The following ADAMTSL1 variants were observed in gnomAD, a reference collection of about 807,000 sequenced individuals.
ADAMTSL1 encodes ADAMTS like 1.
In ADAMTSL1, 126 loss-of-function variants were observed where a neutral mutation model predicts 201.8. That is an observed-to-expected ratio of 0.62 (90% confidence interval 0.54 to 0.72). The LOEUF (loss-of-function observed/expected upper bound fraction) is 0.72, where lower values mean the gene tolerates loss of function less well. ADAMTSL1 is among the 30% of genes least tolerant of loss of function. The probability of loss-of-function intolerance (pLI) is 0.00; values close to 1 mark genes in which losing one functional copy is unlikely to be tolerated. For synonymous variants in ADAMTSL1, 1,121 were observed against 903.4 expected (o/e 1.24, Z -4.32); for missense variants, 2,679 against 2,277.8 (o/e 1.18, Z -3.59).
chr9:18,697,664 A>T (rs896854471), intron 13 of ADAMTSL1, among the ~76,000 whole-genome samples: 1 of 152,232 alleles, frequency 6.6e-6, no homozygotes, highest in East Asian at 1.9e-4. Context: ...AAATGAGTTT[A>T]TATATATTTT....
intron 2 of ADAMTSL1, among the ~76,000 whole-genome samples, chr9:18,382,523 G>C (rs1371349460): frequency 6.6e-6 from 1 of 152,050 alleles, no homozygotes; most frequent in African/African-American, 2.4e-5. Flanking sequence ...GGTGGGAAGA[G>C]TGTGAGGAAT....
At chr9:18,126,078 G>C (rs1416589404) in intron 1 of ADAMTSL1, among the ~76,000 whole-genome samples, 1 of 152,160 alleles carries the variant, frequency 6.6e-6, no homozygotes, top group Non-Finnish European at 1.5e-5. Flanking sequence ...CTCACATTCA[G>C]AATGAGTCTA....
At chr9:18,574,595 T>TTG (rs10650608) in intron 4 of ADAMTSL1, 97,803 of 338,296 alleles carry the variant, frequency 0.29, 10,000 homozygotes, top group African/African-American at 0.41. Flanking sequence ...GTGTTTGTGT[T>TTG]TGTGTGTGTG....
chr9:17,941,368 T>G (rs1294217506), intron 1 of ADAMTSL1, among the ~76,000 whole-genome samples: 3 of 152,158 alleles, frequency 2.0e-5, no homozygotes, highest in Non-Finnish European at 4.4e-5. Flanking sequence ...AGTGATGTAG[T>G]TAGCCAGTGT....
At chr9:18,394,490 A>AAGAG (rs139675029) in intron 2 of ADAMTSL1, among the ~76,000 whole-genome samples, 2 of 152,130 alleles carry the variant, frequency 1.3e-5, no homozygotes, top group Non-Finnish European at 2.9e-5. Context: ...CCCATTCTGC[A>AAGAG]AGAGAGAGAG....
chr9:17,938,101 A>G (rs1367252417), intron 1 of ADAMTSL1, among the ~76,000 whole-genome samples: 5 of 152,176 alleles, frequency 3.3e-5, no homozygotes, highest in Admixed American at 6.6e-5. Context: ...GTTCTTTGTT[A>G]AAGTCCAAAT....
In ADAMTSL1 at chr9:18,899,201, C is replaced by T. The variant is rs144307077; in HGVS notation, c.4852-6581C>T. On this transcript the variant is annotated intron_variant, in intron 26 of 28. Transcript: ENST00000380548. The stretch of plus-strand genomic sequence containing the variant: ...ATGAATGAACTCCCATTCACAATTG[C>T]TACAAAAAGAATAAAATACCTAGGA... 2.8e-3 allele frequency among the ~76,000 whole-genome samples: 425 copies of T among 152,132 alleles called. 1 individual carries two copies. The highest frequency in any genetic ancestry group is 9.7e-3 in the African/African-American group (403 of 41,490).
chr9:18,584,977 C>A (rs1396351774), intron 4 of ADAMTSL1, among the ~76,000 whole-genome samples: 3 of 152,174 alleles, frequency 2.0e-5, no homozygotes, highest in Non-Finnish European at 4.4e-5. Flanking sequence ...ACTTTGGTAA[C>A]ATCTATATTT....
In ADAMTSL1 at chr9:18,332,656, G is replaced by T. The variant is rs137879540; in HGVS notation, c.207+168675G>T. Among the ~76,000 whole-genome samples, 399 of 152,202 alleles carry T rather than the reference G, an allele frequency of 2.6e-3. 1 individual carries two copies. The highest frequency in any genetic ancestry group is 9.2e-3 in the African/African-American group (381 of 41,538). On this transcript the variant is annotated intron_variant, in intron 2 of 29. Transcript: ENST00000680146. ...TTTTTCAAAAAATTTGCTACAATATGGACGTACAGCATCAATAGAATTTGT... is the reference window on the plus strand; with the variant it reads ...TTTTTCAAAAAATTTGCTACAATATTGACGTACAGCATCAATAGAATTTGT...
chr9:18,043,607 C>T (rs913901750), intron 1 of ADAMTSL1, among the ~76,000 whole-genome samples: 3 of 151,862 alleles, frequency 2.0e-5, no homozygotes, highest in African/African-American at 7.3e-5. Flanking sequence ...GACGGGTGTT[C>T]CCTGACTTCT....
chr9:18,908,372 G>A, intron 28 of ADAMTSL1, 70 bp from the exon 29 acceptor site: 1 of 1,332,750 alleles, frequency 7.5e-7, no homozygotes, highest in Non-Finnish European at 1.0e-6. Flanking sequence ...CCTCACACAG[G>A]CTGCGTTCAT....
intron 2 of ADAMTSL1, among the ~76,000 whole-genome samples, chr9:18,298,874 G>C (rs549439855): frequency 2.0e-4 from 30 of 151,922 alleles, no homozygotes; most frequent in Non-Finnish European, 3.5e-4. Context: ...AGCCGGTCGT[G>C]GTGGCGGGCG....
At position 18,656,874 on chromosome 9, in the gene ADAMTSL1, A is replaced by C. The variant is rs376025239; in HGVS notation, c.835-765A>C. ...GGTACTTTTTCCTTCTCTTCAGTTT[A>C]TGTTTTCTCAACCTTGTACTCTTAA... On this transcript the variant is annotated intron_variant, in intron 7 of 28. Coordinates refer to ENST00000380548, the MANE Select transcript of ADAMTSL1 (RefSeq NM_001040272.6). 1.9e-4 allele frequency among the ~76,000 whole-genome samples: 29 copies of C among 152,052 alleles called. No individual in the cohort carries two copies. The South Asian group carries it at 6.0e-3, about 32-fold the overall frequency.
At chr9:18,896,361 A>G (rs564061562) in intron 26 of ADAMTSL1, among the ~76,000 whole-genome samples, 36 of 152,348 alleles carry the variant, frequency 2.4e-4, no homozygotes, top group African/African-American at 8.4e-4. Context: ...TAACTTTATA[A>G]ACTGATTTCT....
At chr9:18,638,639 A>G (rs1827251284) in intron 6 of ADAMTSL1, among the ~76,000 whole-genome samples, 4 of 152,258 alleles carry the variant, frequency 2.6e-5, no homozygotes, top group Admixed American at 2.6e-4. Flanking sequence ...GCAGTTATGA[A>G]ATACCTTATA....
chr9:18,261,280 G>T (rs1039968367), intron 2 of ADAMTSL1, among the ~76,000 whole-genome samples: 1 of 152,066 alleles, frequency 6.6e-6, no homozygotes, highest in African/African-American at 2.4e-5. Context: ...GCTTCATTTT[G>T]CTTGACACAT....
At chr9:18,310,648 C>A (rs1834113763) in intron 2 of ADAMTSL1, among the ~76,000 whole-genome samples, 1 of 152,090 alleles carries the variant, frequency 6.6e-6, no homozygotes, top group South Asian at 2.1e-4. Flanking sequence ...GTCAAAACCA[C>A]AATGAGATAC....
At chr9:18,151,045 T>C (rs1826885988) in intron 1 of ADAMTSL1, among the ~76,000 whole-genome samples, 2 of 152,006 alleles carry the variant, frequency 1.3e-5, no homozygotes, top group African/African-American at 2.4e-5. Flanking sequence ...TTTAAAACCA[T>C]TCAACTCAGA....
chr9:17,978,072 T>C (rs1818526393), intron 1 of ADAMTSL1, among the ~76,000 whole-genome samples: 1 of 152,106 alleles, frequency 6.6e-6, no homozygotes, highest in African/African-American at 2.4e-5. Flanking sequence ...ATGTCTCTCT[T>C]TACTGGTTTT....
Sources: gnomAD v4.1 joint callset for allele counts (sites outside exome capture counted in the v4.1 genomes callset) on GRCh38, gnomAD v4.1.1 for gene constraint, MANE v1.5 for transcripts, NCBI Gene and HGNC (gene_info 2026-07-23, HGNC 2026-07-21) for gene names.